Variants in LRRC63 observed in about 807,000 individuals in gnomAD.
The protein encoded by LRRC63 is leucine-rich repeat-containing protein 63.
A neutral mutation model predicts 49.5 loss-of-function variants in LRRC63; 40 were observed. The observed-to-expected ratio is 0.81, with a 90% CI of 0.63 to 1.05. The LOEUF is 1.05. Ranked by LOEUF, LRRC63 falls within the 50% of genes least tolerant of loss-of-function variation. LRRC63 has a pLI of 0.00. For missense variants in LRRC63, 636 were observed against 663.1 expected (o/e 0.96, Z 0.45); for synonymous variants, 191 against 221.1 (o/e 0.86, Z 1.21).
intron 7 of LRRC63, 39 bp from the exon 8 acceptor site, chr13:46,261,870 A>G (rs1256664108): frequency 3.1e-6 from 2 of 655,512 alleles, no homozygotes; most frequent in Admixed American, 4.4e-5. Flanking sequence ...GTGGTGATAC[A>G]TAATCATTTC....
At chr13:46,236,216 G>T (rs1389254175) in intron 5 of LRRC63, among the ~76,000 whole-genome samples, 1 of 152,004 alleles carries the variant, frequency 6.6e-6, no homozygotes, top group Non-Finnish European at 1.5e-5. Flanking sequence ...GGGGTCTCTG[G>T]AGAAAAGAAG....
chr13:46,240,378 C>T (rs567000734), intron 5 of LRRC63, among the ~76,000 whole-genome samples: 24 of 152,154 alleles, frequency 1.6e-4, no homozygotes, highest in East Asian at 5.8e-4. Flanking sequence ...CCGCCCACCT[C>T]GGCCTCCCAA....
intron 7 of LRRC63, 60 bp downstream of exon 7, chr13:46,250,551 C>G (rs900658177): frequency 2.2e-6 from 3 of 1,352,028 alleles, no homozygotes; most frequent in Admixed American, 2.7e-5. Context: ...CGAAAAAGAT[C>G]AATTTCCCCT....
At chr13:46,266,694 G>A (rs1235384880) in intron 8 of LRRC63, 39 bp from the exon 9 acceptor site, 60 of 1,481,602 alleles carry the variant, frequency 4.0e-5, no homozygotes, top group Non-Finnish European at 4.9e-5. Context: ...ATTATGAATT[G>A]TATAATACCT....
At chr13:46,215,482 T>C (rs2046224201) in intron 2 of LRRC63, among the ~76,000 whole-genome samples, 2 of 152,124 alleles carry the variant, frequency 1.3e-5, no homozygotes, top group South Asian at 2.1e-4. Context: ...TTATTGTAAA[T>C]ATGTTTAAGT....
At chr13:46,217,112 A>C (rs1340965550) in intron 2 of LRRC63, among the ~76,000 whole-genome samples, 2 of 152,140 alleles carry the variant, frequency 1.3e-5, no homozygotes, top group African/African-American at 4.8e-5. Context: ...ATCAAGATGA[A>C]GCTAGCCTTA....
In LRRC63 at chr13:46,262,835, TC is replaced by T. The variant is rs765941334; in HGVS notation, c.1310+844del. Among the ~76,000 whole-genome samples, 14 of 152,332 alleles carry T rather than the reference TC, an allele frequency of 9.2e-5. No individual in the cohort carries two copies. In the South Asian group the frequency reaches 1.0e-3, roughly 11 times the overall value. On this transcript the variant is annotated intron_variant, in intron 8 of 9. Coordinates refer to ENST00000595396, the Ensembl canonical transcript of LRRC63. ...ACAGAATAGAGAAAAACTATGTACTTCTTTACATTAACTTAAAACTAATGTG... is the reference window on the plus strand; with the variant it reads ...ACAGAATAGAGAAAAACTATGTACTTTTTACATTAACTTAAAACTAATGTG...
At chr13:46,228,897 T>G (rs905391045) in intron 4 of LRRC63, among the ~76,000 whole-genome samples, 164 bp downstream of exon 4, 8 of 152,194 alleles carry the variant, frequency 5.3e-5, no homozygotes, top group African/African-American at 9.7e-5. Flanking sequence ...GAGCAGCTAT[T>G]TTTAATATAT....
At chr13:46,268,434 T>A (rs2047710672) in intron 9 of LRRC63, among the ~76,000 whole-genome samples, 1 of 152,092 alleles carries the variant, frequency 6.6e-6, no homozygotes, top group East Asian at 1.9e-4. Context: ...ATAAAAGATA[T>A]GAATTCGCAG....
chr13:46,225,432 A>G (rs1230459), intron 2 of LRRC63, among the ~76,000 whole-genome samples: 47,856 of 152,000 alleles, frequency 0.31, 7,849 homozygotes, highest in East Asian at 0.42. Context: ...GGAGGAGGAG[A>G]TGTCCTGTTC....
At chr13:46,276,371 T>C (rs1167492955) in intron 9 of LRRC63, among the ~76,000 whole-genome samples, 3 of 152,178 alleles carry the variant, frequency 2.0e-5, no homozygotes, top group African/African-American at 4.8e-5. Flanking sequence ...TATGCATATA[T>C]ACCTTTCTGT....
intron 1 of LRRC63, among the ~76,000 whole-genome samples, chr13:46,212,755 G>T (rs563208835): frequency 2.6e-5 from 4 of 152,194 alleles, no homozygotes; most frequent in Non-Finnish European, 2.9e-5. Context: ...ATCCTGGGTA[G>T]TAATAATACA....
At chr13:46,212,869 C>G (rs751319219) in intron 1 of LRRC63, 133 bp from the exon 2 acceptor site, 4 of 480,820 alleles carry the variant, frequency 8.3e-6, no homozygotes, top group Non-Finnish European at 1.5e-5. Context: ...CTTTTTTTTT[C>G]ATAAAGGAAT....
intron 4 of LRRC63, among the ~76,000 whole-genome samples, chr13:46,232,095 G>T (rs944174621): frequency 6.6e-6 from 1 of 152,024 alleles, no homozygotes; most frequent in African/African-American, 2.4e-5. Flanking sequence ...GATTACAGGC[G>T]TGAGCCACTG....
chr13:46,276,822 GTGTGTGTATATATATA>G (rs1566518541), exon 10 of LRRC63: 13 of 152,870 alleles, frequency 8.5e-5, no homozygotes, highest in African/African-American at 5.1e-4. Context: ...TTTATCGTAT[GTGTGTGTATATATATA>G]TATATATATA....
At chr13:46,220,370 C>A (rs1346175926) in intron 2 of LRRC63, among the ~76,000 whole-genome samples, 1 of 152,192 alleles carries the variant, frequency 6.6e-6, no homozygotes, top group Non-Finnish European at 1.5e-5. Flanking sequence ...GTGGGCTCCA[C>A]CCAGTTTGAA....
At chr13:46,258,759 A>G (rs971325828) in intron 7 of LRRC63, among the ~76,000 whole-genome samples, 54 of 149,414 alleles carry the variant, frequency 3.6e-4, no homozygotes, top group African/African-American at 1.3e-3. Context: ...CAGTGAGCCA[A>G]GATCACACCA....
At chr13:46,255,030 A>T (rs1453850186) in intron 7 of LRRC63, among the ~76,000 whole-genome samples, 1 of 152,214 alleles carries the variant, frequency 6.6e-6, no homozygotes, top group East Asian at 1.9e-4. Flanking sequence ...TTAACAGATT[A>T]ATTAATGAAT....
intron 9 of LRRC63, among the ~76,000 whole-genome samples, chr13:46,275,293 T>C (rs1294108490): frequency 6.6e-6 from 1 of 152,206 alleles, no homozygotes; most frequent in East Asian, 1.9e-4. Context: ...GGGGTGCAGC[T>C]GTCCCTTCAA....
Sources: allele counts gnomAD v4.1 joint callset (sites outside exome capture counted in the v4.1 genomes callset), GRCh38; gene constraint gnomAD v4.1.1; transcripts MANE v1.5; gene names NCBI Gene and HGNC (gene_info 2026-07-23, HGNC 2026-07-21).